MED12L: variants seen among roughly 807,000 people sequenced by gnomAD.
MED12L encodes the protein mediator of RNA polymerase II transcription subunit 12-like protein.
Under a neutral mutation model 281.3 loss-of-function variants are expected in MED12L, and 60 were observed. That is an observed-to-expected ratio of 0.21 (90% confidence interval 0.17 to 0.26). The LOEUF (loss-of-function observed/expected upper bound fraction) is 0.26. Ranked by LOEUF, MED12L falls within the 10% of genes least tolerant of loss-of-function variation. The pLI is 1.00. For synonymous variants in MED12L, 974 were observed against 987.2 expected, an observed-to-expected ratio of 0.99 and a Z score of 0.25; for missense variants, 2,146 against 2,680.9, an observed-to-expected ratio of 0.80 and a Z score of 4.41.
intron 16 of MED12L, among the ~76,000 whole-genome samples, chr3:151,323,780 A>G (rs1308614653): frequency 6.6e-6 from 1 of 152,162 alleles, no homozygotes; most frequent in Non-Finnish European, 1.5e-5. Flanking sequence ...CCCTGTACCC[A>G]AGTTGATGAT....
At chr3:151,106,926 A>T (rs1707056007) in intron 2 of MED12L, among the ~76,000 whole-genome samples, 1 of 152,182 alleles carries the variant, frequency 6.6e-6, no homozygotes, top group South Asian at 2.1e-4. Flanking sequence ...ATGTCTTTAT[A>T]TTTAAAGTAT....
At chr3:151,305,155 AC>A (rs899221261) in intron 16 of MED12L, among the ~76,000 whole-genome samples, 26 of 152,180 alleles carry the variant, frequency 1.7e-4, no homozygotes, top group African/African-American at 6.3e-4. Context: ...ATGTCCCAGC[AC>A]TTGCAGGGTG....
intron 16 of MED12L, among the ~76,000 whole-genome samples, chr3:151,318,884 C>T (rs1026789729): frequency 1.3e-5 from 2 of 152,050 alleles, no homozygotes; most frequent in African/African-American, 4.8e-5. Flanking sequence ...AGGTGATGTC[C>T]CTTCACTACA....
intron 11 of MED12L, among the ~76,000 whole-genome samples, chr3:151,184,683 T>C (rs1162586354): frequency 6.6e-6 from 1 of 152,166 alleles, no homozygotes; most frequent in Non-Finnish European, 1.5e-5. Flanking sequence ...GGCTGACAGT[T>C]CTGGTCACCA....
At position 151,360,573 on chromosome 3, in the gene MED12L, C is replaced by T; in HGVS notation, c.2925C>T (p.Ser975=). Residue 975 remains serine, a synonymous_variant, in exon 21 of 45, where the codon AGC becomes AGT. Transcript: ENST00000687756. ...TCTATGATCTCTATGTGTCATGTAG[C>T]CACCTCAGAAGTAAATTTGGAGACC... ...AYLYDLYVSC[S]HLRSKFGDLF... is the part of the protein sequence containing the mutation. 4 of 1,612,544 alleles carry T rather than the reference C, an allele frequency of 2.5e-6. No individual in the cohort carries two copies. The highest frequency in any genetic ancestry group is 3.4e-6 in the Non-Finnish European group (4 of 1,178,966).
intron 16 of MED12L, chr3:151,198,373 A>G (rs1201092398): frequency 7.7e-7 from 1 of 1,293,774 alleles, no homozygotes; most frequent in African/African-American, 1.5e-5. Flanking sequence ...CAAAGCTATA[A>G]TTAACTTTAT....
At chr3:151,177,263 C>A (rs926620002) in intron 11 of MED12L, among the ~76,000 whole-genome samples, 1 of 152,198 alleles carries the variant, frequency 6.6e-6, no homozygotes, top group Non-Finnish European at 1.5e-5. Flanking sequence ...AGGAGACTTA[C>A]ATGTAACGGT....
chr3:151,414,453 G>C (rs1274472896), intron 42 of MED12L, among the ~76,000 whole-genome samples: 5 of 152,146 alleles, frequency 3.3e-5, no homozygotes, highest in Non-Finnish European at 7.3e-5. Context: ...ATGCAGAAAG[G>C]GACACAAAGG....
At chr3:151,110,222 G>A (rs1711659096) in intron 2 of MED12L, among the ~76,000 whole-genome samples, 1 of 152,148 alleles carries the variant, frequency 6.6e-6, no homozygotes, top group South Asian at 2.1e-4. Context: ...ATTTTTGCCT[G>A]ATTAGACTTG....
chr3:151,246,464 C>T (rs926008317), intron 16 of MED12L, among the ~76,000 whole-genome samples: 4 of 151,996 alleles, frequency 2.6e-5, no homozygotes, highest in Admixed American at 6.6e-5. Context: ...AGAAATAACG[C>T]CGCATATCTA....
At chr3:151,285,420 G>A (rs532736562) in intron 16 of MED12L, among the ~76,000 whole-genome samples, 25 of 152,132 alleles carry the variant, frequency 1.6e-4, no homozygotes, top group African/African-American at 4.3e-4. Flanking sequence ...CCCAGGAGGC[G>A]GAGCTTGCAG....
chr3:151,116,871 G>C (rs895253966), intron 3 of MED12L, among the ~76,000 whole-genome samples: 6 of 152,082 alleles, frequency 3.9e-5, no homozygotes, highest in African/African-American at 1.2e-4. Context: ...CCTACTATTG[G>C]CTATAGTTTG....
intron 11 of MED12L, among the ~76,000 whole-genome samples, chr3:151,174,754 G>A (rs1451200837): frequency 6.6e-6 from 1 of 152,002 alleles, no homozygotes; most frequent in Non-Finnish European, 1.5e-5. Flanking sequence ...GTCTTGCTCT[G>A]TTGCCCAGGC....
intron 37 of MED12L, 120 bp from the exon 38 acceptor site, chr3:151,389,859 A>C: frequency 1.1e-6 from 1 of 923,054 alleles, no homozygotes; most frequent in South Asian, 1.7e-5. Context: ...TCTCCTTTAT[A>C]AAAAACAGCT....
intron 42 of MED12L, among the ~76,000 whole-genome samples, chr3:151,414,058 G>T (rs1165790829): frequency 6.6e-6 from 1 of 152,016 alleles, no homozygotes; most frequent in African/African-American, 2.4e-5. Context: ...TGCCATGTTG[G>T]CCAGGCTGGT....
At chr3:151,380,766 T>C (rs1712167206) in intron 32 of MED12L, among the ~76,000 whole-genome samples, 2 of 152,192 alleles carry the variant, frequency 1.3e-5, no homozygotes, top group African/African-American at 4.8e-5. Flanking sequence ...AAAGTAAAAT[T>C]TTATATATTG....
chr3:151,346,803 C>T (rs1454147430), intron 16 of MED12L, among the ~76,000 whole-genome samples: 2 of 152,098 alleles, frequency 1.3e-5, no homozygotes, highest in Non-Finnish European at 2.9e-5. Flanking sequence ...GAGCTGTCAC[C>T]TCTGTGTTAG....
chr3:151,374,753 T>C (rs1235914465), intron 27 of MED12L, among the ~76,000 whole-genome samples: 1 of 152,228 alleles, frequency 6.6e-6, no homozygotes, highest in Admixed American at 6.5e-5. Context: ...TTTTGCATTA[T>C]TTAAATTCCT....
rs79371526 is a variant in MED12L at position 151,228,702 on chromosome 3, A to G, written c.2250+35036A>G. Among the ~76,000 whole-genome samples, 966 of 152,134 alleles carry G rather than the reference A, an allele frequency of 6.3e-3. 3 individuals are homozygous for G. Among genetic ancestry groups the G allele is most frequent in the African/African-American group, 0.023 (933 of 41,460 alleles). On this transcript the variant is annotated intron_variant, in intron 16 of 44. Coordinates refer to ENST00000687756, the MANE Select transcript of MED12L (RefSeq NM_001393769.1). ...CAGAGTGTTTCAGTTCTAATTTACC[A>G]GTCCCTACACAATGCTAATCTTTCA...
Sources: allele counts gnomAD v4.1 joint callset (sites outside exome capture counted in the v4.1 genomes callset), GRCh38; gene constraint gnomAD v4.1.1; transcripts MANE v1.5; gene names NCBI Gene and HGNC (gene_info 2026-07-23, HGNC 2026-07-21).